SND1: variants seen among roughly 807,000 people sequenced by gnomAD.
The protein encoded by SND1 is staphylococcal nuclease and tudor domain containing 1, also known as staphylococcal nuclease domain-containing protein 1.
A neutral mutation model predicts 121.7 loss-of-function variants in SND1; 38 were observed. The observed-to-expected ratio is 0.31, with a 90% CI of 0.24 to 0.41. The LOEUF is 0.41. Ranked by LOEUF, SND1 falls within the 10% of genes least tolerant of loss-of-function variation. The pLI is 1.00. For synonymous variants in SND1, 401 were observed against 447.4 expected, an observed-to-expected ratio of 0.90 and a Z score of 1.31; for missense variants, 868 against 1,184.6, an observed-to-expected ratio of 0.73 and a Z score of 3.92.
chr7:127,778,342 C>T lies in SND1; in HGVS notation c.1153-29142C>T, dbSNP rs145890131. Among the ~76,000 whole-genome samples the T allele has an allele frequency of 2.1e-4, 32 of 152,200 alleles. 1 individual carries two copies. In the East Asian group the frequency reaches 5.2e-3, roughly 25 times the overall value. On this transcript the variant is annotated intron_variant, in intron 10 of 23. Coordinates refer to ENST00000354725, the MANE Select transcript of SND1 (RefSeq NM_014390.4). ...CCCAAGTAGCTGGGAGCACTACAGG[C>T]GCGTGCCACCACGCCCAGCTAACTT...
Position 127,702,421 on chromosome 7 carries a change from A to G in SND1, c.590-14A>G. The G allele has an allele frequency of 6.2e-7, 1 of 1,611,256 alleles. No homozygotes were observed. The highest frequency in any genetic ancestry group is 2.2e-5 in the East Asian group (1 of 44,862). ...TGTTTGCTAAGGACTTAAGCTGTTT[A>G]TTCTGTCACACAGCTATCATCGAGC... On this transcript the variant is annotated splice_polypyrimidine_tract_variant and intron_variant, in intron 5 of 23. Coordinates refer to ENST00000354725, the MANE Select transcript of SND1 (RefSeq NM_014390.4).
chr7:127,961,727 T>C (rs1801735185), intron 15 of SND1, among the ~76,000 whole-genome samples: 1 of 152,210 alleles, frequency 6.6e-6, no homozygotes, highest in Non-Finnish European at 1.5e-5. Context: ...GGAACAAGCT[T>C]TTCTACCATT....
chr7:128,051,919 T>C (rs1793053038), intron 16 of SND1, among the ~76,000 whole-genome samples: 1 of 151,888 alleles, frequency 6.6e-6, no homozygotes, highest in South Asian at 2.1e-4. Flanking sequence ...CACTGGTAAA[T>C]AAAAAAAATG....
intron 10 of SND1, among the ~76,000 whole-genome samples, chr7:127,723,819 AAG>A (rs1302595463): frequency 6.6e-6 from 1 of 152,254 alleles, no homozygotes; most frequent in African/African-American, 2.4e-5. Flanking sequence ...AAAAACTAAA[AAG>A]AAACATTAAT....
At chr7:128,086,428 G>T in intron 20 of SND1, 1 of 220,364 alleles carries the variant, frequency 4.5e-6, no homozygotes, top group Non-Finnish European at 9.1e-6. Context: ...CCAGAGTTGG[G>T]CCATGCTCCC....
intron 16 of SND1, among the ~76,000 whole-genome samples, chr7:128,034,818 T>TG (rs1158883880): frequency 2.6e-5 from 4 of 152,232 alleles, no homozygotes; most frequent in Non-Finnish European, 2.9e-5. Context: ...GGGCCGTCGT[T>TG]GCACACAGCC....
At chr7:127,802,512 T>C (rs978111875) in intron 10 of SND1, among the ~76,000 whole-genome samples, 2 of 152,198 alleles carry the variant, frequency 1.3e-5, no homozygotes, top group African/African-American at 4.8e-5. Flanking sequence ...TTCCTTCTTG[T>C]CCACTCGTTT....
At chr7:127,671,873 G>A (rs954544413) in intron 1 of SND1, among the ~76,000 whole-genome samples, 7 of 152,148 alleles carry the variant, frequency 4.6e-5, no homozygotes, top group Admixed American at 3.9e-4. Context: ...ACCATTTGGG[G>A]CTATTTTAAA....
intron 4 of SND1, among the ~76,000 whole-genome samples, chr7:127,700,225 T>G (rs548562517): frequency 1.3e-5 from 2 of 152,368 alleles, no homozygotes; most frequent in African/African-American, 4.8e-5. Context: ...AAAATTGTTT[T>G]GACTTCAAGT....
intron 16 of SND1, among the ~76,000 whole-genome samples, chr7:128,005,823 C>T (rs1802960651): frequency 6.6e-6 from 1 of 152,202 alleles, no homozygotes; most frequent in Non-Finnish European, 1.5e-5. Flanking sequence ...GCTGGGCTCT[C>T]TAGCAGAGGC....
At chr7:127,704,771 C>G (rs1796160306) in intron 7 of SND1, 68 bp from the exon 8 acceptor site, 1 of 1,286,026 alleles carries the variant, frequency 7.8e-7, no homozygotes, top group East Asian at 2.4e-5. Flanking sequence ...TGTCAGAAGT[C>G]TAGAGAAATG....
intron 10 of SND1, among the ~76,000 whole-genome samples, chr7:127,803,782 TC>T (rs1798178656): frequency 1.3e-5 from 2 of 152,058 alleles, no homozygotes; most frequent in Admixed American, 6.6e-5. Context: ...AAAAATACCT[TC>T]CTGAAAAAAT....
intron 10 of SND1, among the ~76,000 whole-genome samples, chr7:127,762,959 C>T (rs1797332698): frequency 6.6e-6 from 1 of 152,130 alleles, no homozygotes; most frequent in Non-Finnish European, 1.5e-5. Context: ...GGGTAGTCCA[C>T]CTCTGAAAAT....
intron 1 of SND1, among the ~76,000 whole-genome samples, chr7:127,654,014 C>G (rs1289112784): frequency 6.6e-6 from 1 of 152,200 alleles, no homozygotes; most frequent in Non-Finnish European, 1.5e-5. Context: ...TCTCTTGGCT[C>G]TCCGGTGTTG....
chr7:127,846,236 T>G (rs1799059690), intron 12 of SND1, among the ~76,000 whole-genome samples: 1 of 152,230 alleles, frequency 6.6e-6, no homozygotes, highest in African/African-American at 2.4e-5. Context: ...GTAATTGGAT[T>G]GTATGAAATA....
At chr7:127,698,434 T>C (rs918547800) in intron 3 of SND1, among the ~76,000 whole-genome samples, 2 of 152,214 alleles carry the variant, frequency 1.3e-5, no homozygotes, top group Non-Finnish European at 2.9e-5. Flanking sequence ...TCAAGGCAAG[T>C]GCTCTCCCCA....
intron 13 of SND1, among the ~76,000 whole-genome samples, chr7:127,892,445 C>A (rs561155178): frequency 5.3e-5 from 8 of 152,150 alleles, no homozygotes; most frequent in Non-Finnish European, 8.8e-5. Flanking sequence ...CTGTTCAGTT[C>A]GCTGACCCTT....
chr7:127,983,674 T>C (rs1802319290), intron 15 of SND1, among the ~76,000 whole-genome samples: 2 of 152,122 alleles, frequency 1.3e-5, no homozygotes, highest in Admixed American at 6.5e-5. Flanking sequence ...GAGCATTATT[T>C]AAAGCAGAGG....
intron 12 of SND1, among the ~76,000 whole-genome samples, chr7:127,846,077 A>G (rs576794489): frequency 3.9e-5 from 6 of 152,194 alleles, no homozygotes; most frequent in South Asian, 4.2e-4. Flanking sequence ...CTGGGTTTCT[A>G]TTACATTCTT....
Sources: gnomAD v4.1 joint callset for allele counts (sites outside exome capture counted in the v4.1 genomes callset) on GRCh38, gnomAD v4.1.1 for gene constraint, MANE v1.5 for transcripts, NCBI Gene and HGNC (gene_info 2026-07-23, HGNC 2026-07-21) for gene names.